Variants in HIVEP3 observed in about 807,000 individuals in gnomAD.
HIVEP3 encodes the protein HIVEP zinc finger 3.
In HIVEP3, 49 loss-of-function variants were observed where a neutral mutation model predicts 152.8. The observed-to-expected ratio is 0.32, with a 90% confidence interval of 0.26 to 0.41. The LOEUF is 0.41. Ranked by LOEUF, HIVEP3 falls within the 10% of genes least tolerant of loss-of-function variation. The probability of loss-of-function intolerance (pLI) is 1.00; values close to 1 mark genes in which losing one functional copy is unlikely to be tolerated. For synonymous variants in HIVEP3, 1,269 were observed against 1,289.0 expected (o/e 0.98, Z 0.33); for missense variants, 2,790 against 3,103.3 (o/e 0.90, Z 2.40).
At chr1:41,921,082 C>T (rs1644939386), upstream of HIVEP3, among the ~76,000 whole-genome samples, 3 of 152,164 alleles carry the variant, frequency 2.0e-5, no homozygotes, top group South Asian at 6.2e-4. Flanking sequence ...CAGAACTCTC[C>T]ACTATTTCCA....
At position 41,580,904 on chromosome 1, in the gene HIVEP3, T is replaced by G; in HGVS notation, c.3894A>C (p.Ala1298=). The G allele has an allele frequency of 6.2e-7, 1 of 1,612,394 alleles. No homozygotes were observed. Among genetic ancestry groups the G allele is most frequent in the Non-Finnish European group, 8.5e-7 (1 of 1,179,330 alleles). The change falls in exon 4 of 9, where the codon GCA becomes GCC. Residue 1298 remains alanine, a synonymous_variant. Transcript: ENST00000372583. ...PPVAPPASSS[A]PTSAPPLALP... is the part of the protein sequence containing the mutation. ...GGGCCAGTGGAGGAGCTGATGTAGG[T>G]GCTGAGGAGCTGGCTGGGGGAGCCA...
At chr1:41,939,402 G>A (rs1254662776) in intron 1 of HIVEP3, among the ~76,000 whole-genome samples, 1 of 152,192 alleles carries the variant, frequency 6.6e-6, no homozygotes, top group Non-Finnish European at 1.5e-5. Flanking sequence ...CCACCAGGCA[G>A]GTGCTGACGA....
intron 5 of HIVEP3, among the ~76,000 whole-genome samples, chr1:41,528,674 CTCACA>C (rs1482557829): frequency 1.7e-5 from 2 of 121,132 alleles, no homozygotes; most frequent in African/African-American, 7.5e-5. Flanking sequence ...CACCTTCACA[CTCACA>C]CCCCTGCCCT....
intron 1 of HIVEP3, among the ~76,000 whole-genome samples, chr1:41,868,182 T>C (rs1026609889): frequency 1.3e-4 from 17 of 129,698 alleles, no homozygotes; most frequent in Non-Finnish European, 2.6e-4. Context: ...AGTAGTTATA[T>C]AATAGTTTGT....
At chr1:42,014,750 C>T (rs1645512414) in intron 1 of HIVEP3, among the ~76,000 whole-genome samples, 1 of 152,214 alleles carries the variant, frequency 6.6e-6, no homozygotes, top group Non-Finnish European at 1.5e-5. Context: ...CTGAAAATTA[C>T]TTAACCAACC....
chr1:41,577,590 T>C (rs1333830389), intron 4 of HIVEP3, among the ~76,000 whole-genome samples: 1 of 152,216 alleles, frequency 6.6e-6, no homozygotes, highest in Admixed American at 6.5e-5. Context: ...AGAAAAGATC[T>C]ATGACCAAAC....
At chr1:41,947,422 T>A (rs1335917519) in intron 1 of HIVEP3, among the ~76,000 whole-genome samples, 1 of 152,232 alleles carries the variant, frequency 6.6e-6, no homozygotes. Context: ...ATCCAGCCCA[T>A]ACTGGCTTAT....
chr1:41,926,122 T>A (rs767054711), intron 1 of HIVEP3, among the ~76,000 whole-genome samples: 5 of 152,150 alleles, frequency 3.3e-5, no homozygotes, highest in Admixed American at 1.3e-4. Flanking sequence ...TTATTCTCAA[T>A]CTGTGAGAGG....
chr1:41,928,527 C>G (rs1023508469), intron 1 of HIVEP3, among the ~76,000 whole-genome samples: 12 of 152,110 alleles, frequency 7.9e-5, no homozygotes, highest in Non-Finnish European at 1.5e-4. Context: ...ATTAATTGAC[C>G]TACAGAATTT....
In HIVEP3 at chr1:41,533,438, C is replaced by A. The variant is rs765088002; in HGVS notation, c.5208-8528G>T. Among the ~76,000 whole-genome samples, 5 of 152,104 alleles carry A rather than the reference C, an allele frequency of 3.3e-5. No individual in the cohort carries two copies. Among genetic ancestry groups the A allele is most frequent in the Non-Finnish European group, 7.4e-5 (5 of 68,020 alleles). On this transcript the variant is annotated intron_variant, in intron 5 of 8. Coordinates refer to ENST00000372583, the MANE Select transcript of HIVEP3 (RefSeq NM_024503.5). This position sits in a 1 kb window ranked among gnomAD's most constrained non-coding sequence, Gnocchi z 4.3. ...CAACCAGCCCCAAGCCTCCCTGGGC[C>A]CAAATCCCGGGCCAGCTCTGCTGTC...
chr1:41,618,021 C>A (rs1230846505), intron 3 of HIVEP3, among the ~76,000 whole-genome samples: 1 of 152,218 alleles, frequency 6.6e-6, no homozygotes, highest in African/African-American at 2.4e-5. Flanking sequence ...GCTCTCTCTG[C>A]CTGCTGGTTC....
chr1:41,639,854 C>T (rs1024407529), intron 2 of HIVEP3, among the ~76,000 whole-genome samples: 1 of 152,152 alleles, frequency 6.6e-6, no homozygotes, highest in Non-Finnish European at 1.5e-5. Flanking sequence ...AGTGAGGCGT[C>T]CCCAACAAGG....
At chr1:41,892,521 GA>G (rs368027188) in intron 1 of HIVEP3, among the ~76,000 whole-genome samples, 2 of 152,106 alleles carry the variant, frequency 1.3e-5, no homozygotes, top group East Asian at 1.9e-4. Context: ...AGGAAGAGAA[GA>G]AAAAAAGACC....
At chr1:42,006,312 T>A (rs116743924) in intron 1 of HIVEP3, among the ~76,000 whole-genome samples, 27 of 152,124 alleles carry the variant, frequency 1.8e-4, no homozygotes, top group Admixed American at 6.6e-4. Context: ...AAATAAGGTG[T>A]GGGAAAGTAC....
chr1:41,925,885 C>T (rs1476707212), intron 1 of HIVEP3, among the ~76,000 whole-genome samples: 3 of 152,116 alleles, frequency 2.0e-5, no homozygotes, highest in African/African-American at 7.2e-5. Context: ...CCCAGCCTGT[C>T]TTATAGGAAG....
intron 5 of HIVEP3, among the ~76,000 whole-genome samples, chr1:41,539,125 T>C (rs539922035): frequency 6.6e-6 from 1 of 152,344 alleles, no homozygotes; most frequent in Admixed American, 6.5e-5. Context: ...TTAAAACCTC[T>C]GATGCAGAGA....
At chr1:41,827,285 T>C (rs1262539893) in intron 1 of HIVEP3, among the ~76,000 whole-genome samples, 1 of 152,236 alleles carries the variant, frequency 6.6e-6, no homozygotes, top group African/African-American at 2.4e-5. Flanking sequence ...CCTTCTGGCA[T>C]CACCTAAAAC....
chr1:41,986,463 C>G (rs1645323434), intron 1 of HIVEP3, among the ~76,000 whole-genome samples: 1 of 133,394 alleles, frequency 7.5e-6, no homozygotes. Flanking sequence ...TTTTTTGAGA[C>G]GCAGTCTTGC....
At chr1:41,868,361 G>A (rs1192277335) in intron 1 of HIVEP3, among the ~76,000 whole-genome samples, 1 of 152,112 alleles carries the variant, frequency 6.6e-6, no homozygotes, top group Non-Finnish European at 1.5e-5. Flanking sequence ...CTGCTGATGG[G>A]TGAGAGATGG....
Sources: gnomAD v4.1 joint callset for allele counts (sites outside exome capture counted in the v4.1 genomes callset) on GRCh38, gnomAD v4.1.1 for gene constraint, Gnocchi (gnomAD v3.1) non-coding constraint, MANE v1.5 for transcripts, NCBI Gene and HGNC (gene_info 2026-07-23, HGNC 2026-07-21) for gene names.